Variants in ELOVL6 observed in about 807,000 individuals in gnomAD.
ELOVL6 encodes the protein ELOVL fatty acid elongase 6.
A neutral mutation model predicts 31.7 loss-of-function variants in ELOVL6; 8 were observed. That is an observed-to-expected ratio of 0.25 (90% confidence interval 0.15 to 0.45). ELOVL6 has a LOEUF of 0.45. ELOVL6 is among the 20% of genes least tolerant of loss of function. The pLI is 1.00. For synonymous variants in ELOVL6, 101 were observed against 117.7 expected (o/e 0.86, Z 0.92); for missense variants, 126 against 326.4 (o/e 0.39, Z 4.73).
At chr4:110,066,045 T>C (rs1163518982) in intron 2 of ELOVL6, among the ~76,000 whole-genome samples, 1 of 152,120 alleles carries the variant, frequency 6.6e-6, no homozygotes, top group Non-Finnish European at 1.5e-5. Flanking sequence ...ATTAGGCAAT[T>C]AAAATGTTTT....
At chr4:110,197,195 G>A (rs1003676306) in intron 1 of ELOVL6, among the ~76,000 whole-genome samples, 1 of 152,232 alleles carries the variant, frequency 6.6e-6, no homozygotes, top group Non-Finnish European at 1.5e-5. Flanking sequence ...GCCTAGCTCC[G>A]GGGTGCGTTG....
At position 110,104,750 on chromosome 4, in the gene ELOVL6, T is replaced by A. The variant is rs1756839328; in HGVS notation, c.221+747A>T. 2.0e-5 allele frequency among the ~76,000 whole-genome samples: 3 copies of A among 152,174 alleles called. No individual in the cohort carries two copies. The South Asian group carries it at 6.2e-4, about 32-fold the overall frequency. On this transcript the variant is annotated intron_variant, in intron 2 of 3. Coordinates refer to ENST00000302274, the MANE Select transcript of ELOVL6 (RefSeq NM_024090.3). ...TGCCTTTGTTAGCACTCTAGGTAAA[T>A]CCTGGCACTTGCTTGGACACCAGCT... is the stretch of plus-strand genomic sequence containing the variant.
intron 1 of ELOVL6, among the ~76,000 whole-genome samples, chr4:110,187,102 G>A (rs1296555707): frequency 2.0e-5 from 3 of 151,334 alleles, no homozygotes; most frequent in African/African-American, 7.3e-5. Flanking sequence ...TTCAATTTAT[G>A]ATGAAAATTT....
intron 2 of ELOVL6, among the ~76,000 whole-genome samples, chr4:110,061,560 T>TTTTTTTTTTTTTTC (rs1755141880): frequency 8.6e-6 from 1 of 116,694 alleles, no homozygotes; most frequent in Non-Finnish European, 1.7e-5. Flanking sequence ...TTTTTTTTTT[T>TTTTTTTTTTTTTTC]TTTTTTTTTT....
chr4:110,084,186 C>CATATATGTGATGATATATATGATAT (rs201356784), intron 2 of ELOVL6, among the ~76,000 whole-genome samples: 2 of 45,222 alleles, frequency 4.4e-5, no homozygotes, highest in African/African-American at 2.5e-4. Flanking sequence ...ATATATATAA[C>CATATATGTGATGATATATATGATAT]ATATAACTTA....
At chr4:110,151,632 T>C (rs986099752) in intron 1 of ELOVL6, among the ~76,000 whole-genome samples, 2 of 152,178 alleles carry the variant, frequency 1.3e-5, no homozygotes, top group African/African-American at 4.8e-5. Context: ...AGGCCAATAA[T>C]GATGTTGAGA....
intron 2 of ELOVL6, among the ~76,000 whole-genome samples, chr4:110,073,404 AAAG>A (rs1222260741): frequency 6.6e-6 from 1 of 152,192 alleles, no homozygotes; most frequent in Non-Finnish European, 1.5e-5. Flanking sequence ...AAAAAGTCTG[AAAG>A]TGGGTTGTGC....
At chr4:110,052,537 C>G (rs1216559740) in intron 3 of ELOVL6, among the ~76,000 whole-genome samples, 1 of 152,186 alleles carries the variant, frequency 6.6e-6, no homozygotes, top group Admixed American at 6.5e-5. Flanking sequence ...TTTCCAGGAT[C>G]TATCAAAATT....
intron 1 of ELOVL6, among the ~76,000 whole-genome samples, chr4:110,196,025 C>A (rs1759765896): frequency 6.6e-6 from 1 of 152,160 alleles, no homozygotes. Context: ...TTCAGTCCCA[C>A]GAGGGCTGAG....
intron 1 of ELOVL6, among the ~76,000 whole-genome samples, chr4:110,163,664 C>T (rs1241927030): frequency 6.6e-6 from 1 of 152,036 alleles, no homozygotes; most frequent in African/African-American, 2.4e-5. Context: ...TCTACCACTG[C>T]CAAATGAAAA....
chr4:110,165,313 C>T (rs1345898400), intron 1 of ELOVL6, among the ~76,000 whole-genome samples: 1 of 152,194 alleles, frequency 6.6e-6, no homozygotes, highest in East Asian at 1.9e-4. Context: ...ACAGGAGGCC[C>T]TTCCACCATT....
At chr4:110,159,362 AC>A (rs1758564297) in intron 1 of ELOVL6, among the ~76,000 whole-genome samples, 1 of 152,204 alleles carries the variant, frequency 6.6e-6, no homozygotes, top group African/African-American at 2.4e-5. Context: ...TAACTTGATG[AC>A]AAAAGTTACT....
chr4:110,130,942 A>G (rs760887029), intron 1 of ELOVL6, among the ~76,000 whole-genome samples: 10 of 152,256 alleles, frequency 6.6e-5, no homozygotes, highest in Non-Finnish European at 1.2e-4. Context: ...ATGTAAGTTT[A>G]ACACATATAA....
chr4:110,162,053 G>A (rs1578270375), intron 1 of ELOVL6, among the ~76,000 whole-genome samples: 2 of 152,252 alleles, frequency 1.3e-5, no homozygotes, highest in South Asian at 4.1e-4. Flanking sequence ...AAGGGATGTA[G>A]TCCTTTATAT....
intron 2 of ELOVL6, among the ~76,000 whole-genome samples, chr4:110,105,209 A>C (rs896168423): frequency 6.6e-6 from 1 of 152,212 alleles, no homozygotes; most frequent in East Asian, 1.9e-4. Flanking sequence ...GCCAATAACA[A>C]TAATGAATTG....
At chr4:110,152,313 C>T (rs746808144) in intron 1 of ELOVL6, among the ~76,000 whole-genome samples, 2 of 152,178 alleles carry the variant, frequency 1.3e-5, no homozygotes, top group Non-Finnish European at 2.9e-5. Context: ...GAGGAAAAAA[C>T]CCATCTATCA....
At chr4:110,102,365 G>T (rs1302046509) in intron 2 of ELOVL6, among the ~76,000 whole-genome samples, 1 of 152,202 alleles carries the variant, frequency 6.6e-6, no homozygotes, top group African/African-American at 2.4e-5. Context: ...AGTAAATGGG[G>T]AGTTACTGGC....
chr4:110,179,946 A>G (rs1414327429), intron 1 of ELOVL6, among the ~76,000 whole-genome samples: 2 of 152,208 alleles, frequency 1.3e-5, no homozygotes, highest in Non-Finnish European at 2.9e-5. Context: ...CACACTCCCT[A>G]TTCCTCATCC....
chr4:110,182,004 G>A (rs970857949), intron 1 of ELOVL6, among the ~76,000 whole-genome samples: 6 of 152,150 alleles, frequency 3.9e-5, no homozygotes, highest in African/African-American at 1.4e-4. Flanking sequence ...CTCCAGGTAC[G>A]TGTGCAGCAT....
Sources: allele counts gnomAD v4.1 joint callset (sites outside exome capture counted in the v4.1 genomes callset), GRCh38; gene constraint gnomAD v4.1.1; transcripts MANE v1.5; gene names NCBI Gene and HGNC (gene_info 2026-07-23, HGNC 2026-07-21).